FYB1: variants seen among roughly 807,000 people sequenced by gnomAD.
The protein encoded by FYB1 is FYN-binding protein 1.
FYB1 carries 41 observed loss-of-function variants against 94.1 expected under a neutral mutation model. The ratio of observed to expected loss-of-function variants is 0.44; its 90% CI spans 0.34 to 0.57. FYB1 has a LOEUF of 0.57. Ranked by LOEUF, FYB1 falls within the 20% of genes least tolerant of loss-of-function variation. The pLI is 0.02. For missense variants in FYB1, 1,050 were observed against 976.8 expected (o/e 1.07, Z -1.00); for synonymous variants, 367 against 353.2 (o/e 1.04, Z -0.44).
At chr5:39,266,476 G>A (rs553232478) in intron 1 of FYB1, among the ~76,000 whole-genome samples, 6 of 152,302 alleles carry the variant, frequency 3.9e-5, no homozygotes, top group Admixed American at 2.0e-4. Context: ...AACACCAAGT[G>A]CCTTTGTGCT....
chr5:39,136,720 T>A (rs1484527098), intron 7 of FYB1, among the ~76,000 whole-genome samples: 2 of 152,202 alleles, frequency 1.3e-5, no homozygotes, highest in Non-Finnish European at 2.9e-5. Context: ...TGCTATACAT[T>A]TTCCTTGCAC....
chr5:39,242,078 A>G (rs1257578006), intron 1 of FYB1, among the ~76,000 whole-genome samples: 1 of 152,016 alleles, frequency 6.6e-6, no homozygotes, highest in Non-Finnish European at 1.5e-5. Context: ...TTTCCCTCTC[A>G]GTTGAAACAA....
At chr5:39,175,434 G>A (rs1438617971) in intron 2 of FYB1, among the ~76,000 whole-genome samples, 4 of 152,134 alleles carry the variant, frequency 2.6e-5, no homozygotes, top group Non-Finnish European at 4.4e-5. Context: ...GGAGTATGCC[G>A]GTGTCCAATG....
intron 1 of FYB1, chr5:39,212,737 T>C (rs1268526367): frequency 1.3e-5 from 2 of 152,206 alleles, no homozygotes; most frequent in Non-Finnish European, 2.9e-5. Flanking sequence ...AATTGTGATG[T>C]TTTCAATTTC....
At chr5:39,109,280 G>C (rs374727127) in intron 17 of FYB1, among the ~76,000 whole-genome samples, 1 of 152,012 alleles carries the variant, frequency 6.6e-6, no homozygotes, top group South Asian at 2.1e-4. Flanking sequence ...ATCCAAATGC[G>C]AGCAGGACAG....
At chr5:39,236,336 G>GT (rs1468894002) in intron 1 of FYB1, among the ~76,000 whole-genome samples, 3 of 152,038 alleles carry the variant, frequency 2.0e-5, no homozygotes, top group African/African-American at 7.2e-5. Flanking sequence ...AGGCATTGAG[G>GT]TTTTTGATAA....
intron 3 of FYB1, among the ~76,000 whole-genome samples, chr5:39,147,271 C>A (rs1356917003): frequency 6.6e-6 from 1 of 151,470 alleles, no homozygotes; most frequent in Non-Finnish European, 1.5e-5. Context: ...CTATACTTTT[C>A]TTTTCTTTTT....
At chr5:39,143,557 T>A (rs1164582882) in intron 3 of FYB1, among the ~76,000 whole-genome samples, 1 of 150,488 alleles carries the variant, frequency 6.6e-6, no homozygotes, top group East Asian at 2.0e-4. Context: ...TTGCCATCTT[T>A]CTAACACAAA....
Position 39,187,520 on chromosome 5 carries a change from G to A in FYB1, c.1135+14306C>T, listed in dbSNP as rs561116547. On this transcript the variant is annotated intron_variant, in intron 2 of 18. Transcript: ENST00000512982. Reference sequence around the variant, plus strand: ...AATGATGAGACATCTAGATAGTGGGGTAACTAGGCCAGTACAGTTGCACTT... The same window carrying A: ...AATGATGAGACATCTAGATAGTGGGATAACTAGGCCAGTACAGTTGCACTT... Among the ~76,000 whole-genome samples, 11 of 152,302 alleles carry A rather than the reference G, an allele frequency of 7.2e-5. 1 individual carries two copies. The highest frequency in any genetic ancestry group is 3.4e-3 in the Middle Eastern group (1 of 294).
chr5:39,206,804 A>T (rs1262558989), intron 1 of FYB1, among the ~76,000 whole-genome samples: 1 of 152,170 alleles, frequency 6.6e-6, no homozygotes, highest in East Asian at 1.9e-4. Context: ...TGCAAACATA[A>T]ACACACACAT....
In FYB1 at chr5:39,202,550, T is replaced by C. The variant is rs746478691; in HGVS notation, c.411A>G (p.Pro137=). The change falls in exon 2 of 19, where the codon CCA becomes CCG. Residue 137 remains proline, a synonymous_variant. Transcript: ENST00000512982. ...PTFPWPPGNK[P]SLHSVNQDHD... is the part of the protein sequence containing the mutation. ...GGTCTTGGTTTACACTGTGAAGAGA[T>C]GGCTTGTTTCCAGGAGGCCAGGGAA... 6.8e-6 allele frequency: 11 copies of C among 1,613,892 alleles called. No homozygotes were observed. The East Asian group carries it at 2.0e-4, about 29-fold the overall frequency.
chr5:39,107,672 G>T (rs895165987), intron 18 of FYB1, among the ~76,000 whole-genome samples: 1 of 151,840 alleles, frequency 6.6e-6, no homozygotes, highest in African/African-American at 2.4e-5. Flanking sequence ...TTTCTGGACA[G>T]ATTTATTCTC....
chr5:39,258,480 A>G (rs1752065700), intron 1 of FYB1, among the ~76,000 whole-genome samples: 1 of 152,096 alleles, frequency 6.6e-6, no homozygotes, highest in African/African-American at 2.4e-5. Flanking sequence ...CATGTCTGTG[A>G]TTCCAGCTAC....
intron 1 of FYB1, among the ~76,000 whole-genome samples, chr5:39,210,463 A>C (rs1257087566): frequency 6.6e-6 from 1 of 152,218 alleles, no homozygotes; most frequent in Non-Finnish European, 1.5e-5. Flanking sequence ...TAGCCTAGCA[A>C]GTAGTAAAGC....
intron 1 of FYB1, among the ~76,000 whole-genome samples, chr5:39,257,267 T>G (rs1164393258): frequency 6.6e-6 from 1 of 152,186 alleles, no homozygotes; most frequent in Admixed American, 6.6e-5. Flanking sequence ...TTTACCAATG[T>G]TTTTAAACAG....
At chr5:39,226,759 G>C (rs980695012) in intron 1 of FYB1, among the ~76,000 whole-genome samples, 2 of 152,206 alleles carry the variant, frequency 1.3e-5, no homozygotes, top group African/African-American at 4.8e-5. Context: ...TTAAAGTGCA[G>C]ATTCCAGATT....
At chr5:39,126,786 C>G (rs187253232) in intron 11 of FYB1, among the ~76,000 whole-genome samples, 41 of 150,176 alleles carry the variant, frequency 2.7e-4, no homozygotes, top group African/African-American at 9.6e-4. Context: ...AGGCCAGGCA[C>G]AGTGGCTCAC....
At chr5:39,243,874 T>A (rs1388828135) in intron 1 of FYB1, among the ~76,000 whole-genome samples, 1 of 152,176 alleles carries the variant, frequency 6.6e-6, no homozygotes, top group Non-Finnish European at 1.5e-5. Flanking sequence ...GTAAGTTGGG[T>A]TCCTAGGTAT....
intron 9 of FYB1, among the ~76,000 whole-genome samples, chr5:39,133,052 T>C (rs187963865): frequency 9.6e-4 from 147 of 152,346 alleles, no homozygotes; most frequent in Non-Finnish European, 1.2e-3. Context: ...CCGGCTGTAA[T>C]TCATTTTAGA....
Sources: gnomAD v4.1 joint callset for allele counts (sites outside exome capture counted in the v4.1 genomes callset) on GRCh38, gnomAD v4.1.1 for gene constraint, MANE v1.5 for transcripts, NCBI Gene and HGNC (gene_info 2026-07-23, HGNC 2026-07-21) for gene names.